The following SGCD variants were observed in gnomAD, a reference collection of about 807,000 sequenced individuals.
The protein encoded by SGCD is delta-sarcoglycan.
SGCD carries 18 observed loss-of-function variants against 36.6 expected under a neutral mutation model. The ratio of observed to expected loss-of-function variants is 0.49; its 90% CI spans 0.34 to 0.73. The LOEUF (loss-of-function observed/expected upper bound fraction) is 0.73, where lower values mean the gene tolerates loss of function less well. Among genes scored for constraint, SGCD ranks in the 30% least tolerant of loss-of-function variants. The probability of loss-of-function intolerance (pLI) is 0.01; values close to 1 mark genes in which losing one functional copy is unlikely to be tolerated. For missense variants in SGCD, 387 were observed against 346.7 expected, an observed-to-expected ratio of 1.12 and a Z score of -0.92; for synonymous variants, 133 against 130.6, an observed-to-expected ratio of 1.02 and a Z score of -0.12.
At chr5:156,008,271 C>T (rs1480867456) in intron 1 of SGCD, among the ~76,000 whole-genome samples, 1 of 152,196 alleles carries the variant, frequency 6.6e-6, no homozygotes, top group Non-Finnish European at 1.5e-5. Flanking sequence ...TTTCTAGCTT[C>T]TGGTGGCTTC....
intron 3 of SGCD, among the ~76,000 whole-genome samples, chr5:156,218,028 C>T (rs1764617548): frequency 6.6e-6 from 1 of 151,994 alleles, no homozygotes. Context: ...AATACCAGCA[C>T]TTTGGGAGGC....
intron 1 of SGCD, among the ~76,000 whole-genome samples, chr5:156,098,184 A>G (rs942462501): frequency 8.5e-5 from 13 of 152,136 alleles, no homozygotes; most frequent in African/African-American, 3.1e-4. Context: ...GTTTCCCTTT[A>G]TTTTGTTCTG....
chr5:156,427,886 C>G (rs1386993885), intron 3 of SGCD, among the ~76,000 whole-genome samples: 1 of 152,112 alleles, frequency 6.6e-6, no homozygotes, highest in African/African-American at 2.4e-5. Flanking sequence ...TGGTATGAAA[C>G]CCACTTGATC....
chr5:156,601,202 A>G (rs1761176858), intron 6 of SGCD, among the ~76,000 whole-genome samples: 1 of 152,188 alleles, frequency 6.6e-6, no homozygotes, highest in African/African-American at 2.4e-5. Flanking sequence ...TCACCTAAAA[A>G]ATCCTTCCTT....
intron 3 of SGCD, among the ~76,000 whole-genome samples, chr5:156,210,562 G>C (rs1764411559): frequency 6.6e-6 from 1 of 151,454 alleles, no homozygotes; most frequent in Non-Finnish European, 1.5e-5. Context: ...ACAGTTTAAT[G>C]AAATCAAGAA....
At chr5:156,167,209 G>A (rs575923074) in intron 3 of SGCD, among the ~76,000 whole-genome samples, 1 of 152,248 alleles carries the variant, frequency 6.6e-6, no homozygotes, top group East Asian at 1.9e-4. Flanking sequence ...ATCCGCATAT[G>A]TTCCCCTGTC....
At chr5:156,224,646 G>A (rs992586974) in intron 3 of SGCD, among the ~76,000 whole-genome samples, 1 of 152,124 alleles carries the variant, frequency 6.6e-6, no homozygotes, top group African/African-American at 2.4e-5. Flanking sequence ...GTGGAGGAAA[G>A]GTTGTTATCA....
intron 1 of SGCD, among the ~76,000 whole-genome samples, chr5:156,078,165 TA>T (rs1317362990): frequency 2.0e-5 from 3 of 152,066 alleles, no homozygotes; most frequent in African/African-American, 7.2e-5. Flanking sequence ...ACAGTTTGCT[TA>T]TTTTTTTATT....
At chr5:156,268,832 G>T (rs1766074514) in intron 3 of SGCD, among the ~76,000 whole-genome samples, 1 of 152,084 alleles carries the variant, frequency 6.6e-6, no homozygotes, top group Admixed American at 6.5e-5. Flanking sequence ...AACCTCAGGT[G>T]ATCCACCTGC....
chr5:156,520,818 T>C (rs1021503375), intron 4 of SGCD, among the ~76,000 whole-genome samples: 1 of 151,706 alleles, frequency 6.6e-6, no homozygotes, highest in African/African-American at 2.4e-5. Context: ...GAGATAGAGA[T>C]GGTCCTGGCT....
chr5:155,954,856 A>G (rs1757618825), intron 1 of SGCD, among the ~76,000 whole-genome samples: 1 of 152,134 alleles, frequency 6.6e-6, no homozygotes, highest in Non-Finnish European at 1.5e-5. Context: ...CTGCTGGTCT[A>G]CGAGAGAGCT....
intron 1 of SGCD, among the ~76,000 whole-genome samples, chr5:155,906,210 T>C (rs538866019): frequency 6.6e-6 from 1 of 152,242 alleles, no homozygotes; most frequent in South Asian, 2.1e-4. Context: ...AATTGATGAA[T>C]GTTGTATGTG....
chr5:155,962,417 C>T (rs1197517631), intron 1 of SGCD, among the ~76,000 whole-genome samples: 9 of 152,114 alleles, frequency 5.9e-5, no homozygotes. Flanking sequence ...TGCCCATCCA[C>T]TAACCTAGGT....
intron 3 of SGCD, among the ~76,000 whole-genome samples, chr5:156,189,915 C>A: frequency 6.6e-6 from 1 of 152,128 alleles, no homozygotes; most frequent in East Asian, 1.9e-4. Context: ...ACACCATGTT[C>A]TCATTTATTT....
intron 1 of SGCD, among the ~76,000 whole-genome samples, chr5:155,975,763 T>G (rs1028921065): frequency 1.3e-5 from 2 of 150,948 alleles, no homozygotes; most frequent in African/African-American, 4.9e-5. Flanking sequence ...CTGAGTAGCT[T>G]GGATTACAGG....
Position 156,174,740 on chromosome 5 carries a change from A to G in SGCD, c.-44+50721A>G, listed in dbSNP as rs182029562. On this transcript the variant is annotated intron_variant, in intron 3 of 9. Coordinates refer to the SGCD transcript ENST00000517913. ...GTGTTCTGAAGGACCCACCAAGGGG[A>G]CTTCATAGTTGTCTATGTGAGTGAT... is the stretch of plus-strand genomic sequence containing the variant. Among the ~76,000 whole-genome samples the G allele has an allele frequency of 2.0e-3, 305 of 152,324 alleles. 2 individuals are homozygous for G. The highest frequency in any genetic ancestry group is 3.7e-3 in the Non-Finnish European group (249 of 68,030).
At chr5:156,643,523 C>A (rs1763119331) in intron 6 of SGCD, among the ~76,000 whole-genome samples, 1 of 151,968 alleles carries the variant, frequency 6.6e-6, no homozygotes, top group Non-Finnish European at 1.5e-5. Flanking sequence ...TCAGTTATAT[C>A]TAGAAAATAA....
intron 1 of SGCD, among the ~76,000 whole-genome samples, chr5:156,075,960 C>G (rs1470099126): frequency 6.6e-6 from 1 of 152,140 alleles, no homozygotes; most frequent in Non-Finnish European, 1.5e-5. Flanking sequence ...GAATCCTAAA[C>G]TAATCTTTTT....
chr5:156,434,726 A>G (rs1753172254), intron 3 of SGCD, among the ~76,000 whole-genome samples: 1 of 152,212 alleles, frequency 6.6e-6, no homozygotes, highest in Non-Finnish European at 1.5e-5. Flanking sequence ...TTGAGTTGAC[A>G]GTGATTGGTC....
Sources: gnomAD v4.1 joint callset for allele counts (sites outside exome capture counted in the v4.1 genomes callset) on GRCh38, gnomAD v4.1.1 for gene constraint, MANE v1.5 for transcripts, NCBI Gene and HGNC (gene_info 2026-07-23, HGNC 2026-07-21) for gene names.